Variants in CDS2 observed in about 807,000 individuals in gnomAD.
CDS2 encodes phosphatidate cytidylyltransferase 2.
Under a neutral mutation model 59.0 loss-of-function variants are expected in CDS2, and 47 were observed. The ratio of observed to expected loss-of-function variants is 0.80; its 90% CI spans 0.63 to 1.02. CDS2 has a LOEUF of 1.02. Ranked by LOEUF, CDS2 falls within the 50% of genes least tolerant of loss-of-function variation. CDS2 has a pLI of 0.00. For missense variants in CDS2, 356 were observed against 558.9 expected, an observed-to-expected ratio of 0.64 and a Z score of 3.66; for synonymous variants, 207 against 206.4, an observed-to-expected ratio of 1.00 and a Z score of -0.02.
intron 1 of CDS2, among the ~76,000 whole-genome samples, chr20:5,132,392 C>T (rs2090615056): frequency 6.6e-6 from 1 of 152,210 alleles, no homozygotes; most frequent in African/African-American, 2.4e-5. Context: ...GCCACCGCGC[C>T]CGGCCTCTTT....
At chr20:5,189,305 C>A in intron 11 of CDS2, 119 bp downstream of exon 11, 1 of 1,111,866 alleles carries the variant, frequency 9.0e-7, no homozygotes, top group Non-Finnish European at 1.3e-6. Context: ...AATGTGTGAT[C>A]TTGACCCATG....
rs79720566 is a variant in CDS2 at position 5,150,731 on chromosome 20, C to A, written c.58-22792C>A. ...TGGAGCATTCCTGACGCTCCCACCC[C>A]ATTTCCTCATCTCTGTCTCCTCTCT... On this transcript the variant is annotated intron_variant, in intron 1 of 12. Coordinates refer to ENST00000460006, the MANE Select transcript of CDS2 (RefSeq NM_003818.4). 5.3e-3 allele frequency among the ~76,000 whole-genome samples: 806 copies of A among 152,346 alleles called. 7 individuals are homozygous for A. Among genetic ancestry groups the A allele is most frequent in the African/African-American group, 0.018 (769 of 41,594 alleles).
chr20:5,164,959 G>C (rs1372322496), intron 1 of CDS2, among the ~76,000 whole-genome samples: 2 of 152,184 alleles, frequency 1.3e-5, no homozygotes, highest in African/African-American at 4.8e-5. Flanking sequence ...CTTGCTGTTA[G>C]TAAACAGATG....
At chr20:5,142,133 G>A (rs1056600453) in intron 1 of CDS2, among the ~76,000 whole-genome samples, 4 of 152,178 alleles carry the variant, frequency 2.6e-5, no homozygotes, top group Non-Finnish European at 5.9e-5. Context: ...GAGCAATAGA[G>A]TGAGACCCTA....
chr20:5,178,895 A>G lies in CDS2; in HGVS notation c.468A>G (p.Glu156=), dbSNP rs750621505. 70 of 1,614,010 alleles carry G rather than the reference A, an allele frequency of 4.3e-5. 1 individual carries two copies. Among genetic ancestry groups the G allele is most frequent in the South Asian group, 4.1e-4 (37 of 91,084 alleles). The change falls in exon 5 of 13, where the codon GAA becomes GAG. Residue 156 remains glutamate, a synonymous_variant. Coordinates refer to ENST00000460006, the MANE Select transcript of CDS2 (RefSeq NM_003818.4). ...ACTTCTTCACCCTGGTCCAGAGAGA[A>G]GAGCCTTTGCGGATTCTCAGTAAAT... The part of the protein sequence containing the change: ...TDYFFTLVQR[E]EPLRILSKYH...
At chr20:5,148,678 T>C (rs1486721552) in intron 1 of CDS2, among the ~76,000 whole-genome samples, 1 of 152,248 alleles carries the variant, frequency 6.6e-6, no homozygotes, top group Non-Finnish European at 1.5e-5. Flanking sequence ...GCTGATCTTT[T>C]GGCACTTTGA....
rs1013255930 is a variant in CDS2 at position 5,193,978 on chromosome 20, G to T, written c.*3744G>T. On this transcript the variant is annotated 3_prime_UTR_variant, in exon 13 of 13. Coordinates refer to ENST00000460006, the MANE Select transcript of CDS2 (RefSeq NM_003818.4). ...TGGGAGGACAATTTCACTTGAACAGGTTTCTGTTCTTCTGAGGTCAGGGTG... is the reference window on the plus strand; with the variant it reads ...TGGGAGGACAATTTCACTTGAACAGTTTTCTGTTCTTCTGAGGTCAGGGTG... The T allele has an allele frequency of 6.6e-6, 1 of 152,162 alleles. No individual in the cohort carries two copies. Among genetic ancestry groups the T allele is most frequent in the Non-Finnish European group, 1.5e-5 (1 of 68,018 alleles). The allele number at this position is 152,162 out of a possible 1,614,324, so 9.4% of individuals were successfully genotyped here. A position where few individuals can be genotyped will look rare whatever the true frequency, so the allele number is the denominator to read the frequency against.
intron 3 of CDS2, chr20:5,176,257 TA>T (rs527428937): frequency 1.3e-3 from 217 of 162,652 alleles, no homozygotes; most frequent in South Asian, 5.0e-3. Flanking sequence ...CGTCTCTACT[TA>T]AAAAAAAAAT....
intron 1 of CDS2, among the ~76,000 whole-genome samples, chr20:5,160,574 T>G (rs1482470256): frequency 6.6e-6 from 1 of 152,228 alleles, no homozygotes; most frequent in Non-Finnish European, 1.5e-5. Flanking sequence ...ATAAAATTGA[T>G]AATTTTAACC....
At chr20:5,175,612 CCT>C (rs67409607) in intron 3 of CDS2, 52,333 of 201,878 alleles carry the variant, frequency 0.26, 7,387 homozygotes, top group South Asian at 0.34. Context: ...ATGGTGAAAC[CCT>C]GTCTCTACTA....
chr20:5,139,171 A>G (rs115159879), intron 1 of CDS2, among the ~76,000 whole-genome samples: 1,876 of 152,274 alleles, frequency 0.012, 49 homozygotes, highest in African/African-American at 0.041. Context: ...GTGAAACCTC[A>G]TCTTTGCTAA....
chr20:5,180,506 C>A (rs2091026175), intron 5 of CDS2, among the ~76,000 whole-genome samples: 1 of 152,054 alleles, frequency 6.6e-6, no homozygotes, highest in African/African-American at 2.4e-5. Context: ...CATTTGTAAA[C>A]TGCCATGTCA....
rs529924091 is a variant in CDS2, at chr20:5,190,065, C to A, written c.1206-37C>A. On this transcript the variant is annotated intron_variant, in intron 12 of 12. Transcript: ENST00000460006. Reference sequence around the variant, plus strand: ...TAATCAGGCCCTGGAAGCTTCCGGGCCCTAGCTCAGTGCTGTTTCTTCACA... The same window carrying A: ...TAATCAGGCCCTGGAAGCTTCCGGGACCTAGCTCAGTGCTGTTTCTTCACA... 6.9e-5 allele frequency: 111 copies of A among 1,608,112 alleles called. No homozygotes were observed. The East Asian group carries it at 2.0e-3, about 29-fold the overall frequency.
intron 1 of CDS2, among the ~76,000 whole-genome samples, chr20:5,144,335 G>T (rs1243404156): frequency 6.6e-6 from 1 of 152,108 alleles, no homozygotes; most frequent in Non-Finnish European, 1.5e-5. Flanking sequence ...GGGTGAGTTG[G>T]GTGACATACT....
chr20:5,138,132 T>G (rs1002378864), intron 1 of CDS2, among the ~76,000 whole-genome samples: 1 of 143,060 alleles, frequency 7.0e-6, no homozygotes, highest in African/African-American at 2.5e-5. Context: ...TTTTTTTTTT[T>G]GTAGAAACAG....
chr20:5,135,441 T>C (rs2090641700), intron 1 of CDS2, among the ~76,000 whole-genome samples: 1 of 149,540 alleles, frequency 6.7e-6, no homozygotes, highest in Admixed American at 6.6e-5. Flanking sequence ...GGTGAAAAAG[T>C]ACAGCTGTTT....
chr20:5,183,560 A>T (rs1464213879), intron 7 of CDS2, among the ~76,000 whole-genome samples: 1 of 152,202 alleles, frequency 6.6e-6, no homozygotes, highest in Non-Finnish European at 1.5e-5. Flanking sequence ...ACTGTAAATG[A>T]GCTTTGAAAA....
intron 10 of CDS2, 84 bp from the exon 11 acceptor site, chr20:5,188,983 T>G: frequency 6.4e-7 from 1 of 1,568,364 alleles, no homozygotes; most frequent in Non-Finnish European, 8.7e-7. Flanking sequence ...ACAATGAGGA[T>G]CAAATTTCAA....
chr20:5,175,825 C>T (rs752653490), intron 3 of CDS2, among the ~76,000 whole-genome samples: 2 of 152,092 alleles, frequency 1.3e-5, no homozygotes, highest in Admixed American at 6.6e-5. Context: ...CTTTATTATT[C>T]CAACTCTGTA....
Sources: gnomAD v4.1 joint callset for allele counts (sites outside exome capture counted in the v4.1 genomes callset) on GRCh38, gnomAD v4.1.1 for gene constraint, MANE v1.5 for transcripts, NCBI Gene and HGNC (gene_info 2026-07-23, HGNC 2026-07-21) for gene names.